Variants in SV2B observed in about 807,000 individuals in gnomAD.
The protein encoded by SV2B is synaptic vesicle glycoprotein 2B.
In SV2B, 41 loss-of-function variants were observed where a neutral mutation model predicts 73.9. The observed-to-expected ratio is 0.56, with a 90% CI of 0.43 to 0.72. The LOEUF is 0.72. SV2B is among the 30% of genes least tolerant of loss of function. SV2B has a pLI of 0.00. For missense variants in SV2B, 764 were observed against 857.8 expected (o/e 0.89, Z 1.37); for synonymous variants, 314 against 314.2 (o/e 1.00, Z 0.01).
chr15:91,287,191 C>T (rs1472777570), intron 11 of SV2B, among the ~76,000 whole-genome samples: 1 of 152,176 alleles, frequency 6.6e-6, no homozygotes, highest in Non-Finnish European at 1.5e-5. Context: ...GTTATCATTT[C>T]CTAGTTCATC....
Position 91,141,038 on chromosome 15 carries a change from G to A in SV2B, c.-392+40675G>A, listed in dbSNP as rs2042982597. Among the ~76,000 whole-genome samples the A allele has an allele frequency of 6.6e-6, 1 of 152,238 alleles. No homozygotes were observed. Among genetic ancestry groups the A allele is most frequent in the South Asian group, 2.1e-4 (1 of 4,832 alleles). On this transcript the variant is annotated intron_variant, in intron 1 of 12. Coordinates refer to ENST00000394232, the MANE Select transcript of SV2B (RefSeq NM_001323032.3). This position sits in a 1 kb window ranked among gnomAD's most constrained non-coding sequence, Gnocchi z 4.6. ...AAGCCAGAAGTGCTACAAGCACTCA[G>A]GTGGCAGGACTTATAGCTAAGAGTG...
rs1424823079 is a variant in SV2B at position 91,121,725 on chromosome 15, C to T, written c.-392+21362C>T. Among the ~76,000 whole-genome samples the T allele has an allele frequency of 1.3e-5, 2 of 151,544 alleles. No individual in the cohort carries two copies. The highest frequency in any genetic ancestry group is 4.9e-5 in the African/African-American group (2 of 41,004). On this transcript the variant is annotated intron_variant, in intron 1 of 12. Coordinates refer to ENST00000394232, the MANE Select transcript of SV2B (RefSeq NM_001323032.3). The surrounding 1 kb of genome is among the most constrained non-coding windows in gnomAD (Gnocchi z 4.4). ...AGGGAATTAATTCCTTTACACCACT[C>T]CTTTCCCCTTCGCGCTCACCTCAAG... is the stretch of plus-strand genomic sequence containing the variant.
At chr15:91,150,988 C>T (rs1373375253) in intron 1 of SV2B, among the ~76,000 whole-genome samples, 2 of 152,182 alleles carry the variant, frequency 1.3e-5, no homozygotes, top group African/African-American at 4.8e-5. Flanking sequence ...CCCCCTTACG[C>T]GTGTAGCCTG....
At chr15:91,183,966 CA>C (rs3082124) in intron 1 of SV2B, among the ~76,000 whole-genome samples, 4 of 151,240 alleles carry the variant, frequency 2.6e-5, no homozygotes, top group African/African-American at 9.7e-5. Context: ...CGCCTGGGGA[CA>C]AAAAAAACTG....
chr15:91,225,325 A>G (rs535447377), intron 1 of SV2B, among the ~76,000 whole-genome samples: 43 of 152,266 alleles, frequency 2.8e-4, no homozygotes, highest in African/African-American at 1.0e-3. Flanking sequence ...TTTTGGCCAT[A>G]CATTTCTAGA....
Position 91,129,138 on chromosome 15 carries a change from C to T in SV2B, c.-392+28775C>T, listed in dbSNP as rs557698076. Among the ~76,000 whole-genome samples the T allele has an allele frequency of 5.0e-4, 76 of 152,272 alleles. No homozygotes were observed. The South Asian group carries it at 0.014, about 28-fold the overall frequency. Reference sequence around the variant, plus strand: ...AGGAGTGAAATAATCCCAGCGACAGCGTATGTGTGAGATCCTTGGGATCAA... The same window carrying T: ...AGGAGTGAAATAATCCCAGCGACAGTGTATGTGTGAGATCCTTGGGATCAA... On this transcript the variant is annotated intron_variant, in intron 1 of 12. Coordinates refer to ENST00000394232, the MANE Select transcript of SV2B (RefSeq NM_001323032.3). This position sits in a 1 kb window ranked among gnomAD's most constrained non-coding sequence, Gnocchi z 5.1.
At chr15:91,154,580 T>C (rs1450712617) in intron 1 of SV2B, among the ~76,000 whole-genome samples, 1 of 152,206 alleles carries the variant, frequency 6.6e-6, no homozygotes, top group Non-Finnish European at 1.5e-5. Context: ...TACGGGGTTT[T>C]TGCAGACGTA....
chr15:91,212,104 C>T (rs1235329225), intron 1 of SV2B, among the ~76,000 whole-genome samples: 1 of 152,162 alleles, frequency 6.6e-6, no homozygotes, highest in Non-Finnish European at 1.5e-5. Context: ...TCTAGATGCT[C>T]TCTTAGATAA....
At position 91,236,770 on chromosome 15, in the gene SV2B, C is replaced by T. The variant is rs1008007015; in HGVS notation, c.451+10056C>T. Reference sequence around the variant, plus strand: ...CTGGCCCCTATTCCACTTGACATTACCTGGGGCAGCTGGAAGGTGGGGGCT... The same window carrying T: ...CTGGCCCCTATTCCACTTGACATTATCTGGGGCAGCTGGAAGGTGGGGGCT... On this transcript the variant is annotated intron_variant, in intron 2 of 12. Transcript: ENST00000394232. This position sits in a 1 kb window ranked among gnomAD's most constrained non-coding sequence, Gnocchi z 4.1. Among the ~76,000 whole-genome samples, 2 of 152,098 alleles carry T rather than the reference C, an allele frequency of 1.3e-5. No individual in the cohort carries two copies. The highest frequency in any genetic ancestry group is 3.8e-4 in the East Asian group (2 of 5,196).
chr15:91,151,643 G>C (rs537317146), intron 1 of SV2B, among the ~76,000 whole-genome samples: 1 of 152,320 alleles, frequency 6.6e-6, no homozygotes, highest in Non-Finnish European at 1.5e-5. Flanking sequence ...AAGCAGTGCT[G>C]GGTATAGAGG....
At position 91,234,177 on chromosome 15, in the gene SV2B, G is replaced by A. The variant is rs6496777; in HGVS notation, c.451+7463G>A. ...TTTATGGTAGAGGAAGAGATTGAAA[G>A]GCCTAGGAATATTTGCATGTTAGAG... On this transcript the variant is annotated intron_variant, in intron 2 of 12. Transcript: ENST00000394232. This position sits in a 1 kb window ranked among gnomAD's most constrained non-coding sequence, Gnocchi z 5.6. Among the ~76,000 whole-genome samples, 57,017 of 152,070 alleles carry A rather than the reference G, an allele frequency of 0.37. 14,763 individuals carry two copies. Among genetic ancestry groups the A allele is most frequent in the African/African-American group, 0.74 (30,673 of 41,458 alleles).
At chr15:91,266,293 GC>G (rs1257129309) in intron 6 of SV2B, among the ~76,000 whole-genome samples, 1 of 152,172 alleles carries the variant, frequency 6.6e-6, no homozygotes. Context: ...CTTTCTCCCC[GC>G]GGATTGCCCA....
rs575374888 is a variant in SV2B, at chr15:91,168,425, G to A, written c.-391-57448G>A. On this transcript the variant is annotated intron_variant, in intron 1 of 12. Coordinates refer to ENST00000394232, the MANE Select transcript of SV2B (RefSeq NM_001323032.3). ...CTGAGTTGTGGGTGCCCTTGTGGCT[G>A]GTATTCCTGCAGCTGCTGGGGGAGT... Among the ~76,000 whole-genome samples, 49 of 152,236 alleles carry A rather than the reference G, an allele frequency of 3.2e-4. 2 individuals are homozygous for A. The South Asian group carries it at 9.9e-3, about 31-fold the overall frequency.
At chr15:91,263,245 GAC>G (rs1262817713) in intron 6 of SV2B, among the ~76,000 whole-genome samples, 2 of 137,060 alleles carry the variant, frequency 1.5e-5, no homozygotes, top group East Asian at 2.0e-4. Flanking sequence ...GAGACAAACA[GAC>G]ACAGGAACAC....
intron 1 of SV2B, among the ~76,000 whole-genome samples, chr15:91,193,908 G>A (rs1163829857): frequency 2.0e-5 from 3 of 151,966 alleles, no homozygotes; most frequent in African/African-American, 7.3e-5. Context: ...AACCATAAAG[G>A]CTCAACGTTT....
chr15:91,183,456 C>G (rs548775113), intron 1 of SV2B, among the ~76,000 whole-genome samples: 25 of 152,352 alleles, frequency 1.6e-4, no homozygotes, highest in African/African-American at 5.5e-4. Flanking sequence ...AACTGGTTCT[C>G]TGCTTCAGTT....
intron 9 of SV2B, among the ~76,000 whole-genome samples, chr15:91,278,551 T>G (rs894810881): frequency 2.0e-5 from 3 of 147,866 alleles, no homozygotes; most frequent in Non-Finnish European, 4.5e-5. Context: ...CGGTGGCGGG[T>G]GCCTGTAGTC....
In SV2B at chr15:91,137,628, CATATATTTCATATATACATAT is replaced by C. The variant is rs979371790; in HGVS notation, c.-392+37270_-392+37290del. Among the ~76,000 whole-genome samples the C allele has an allele frequency of 5.7e-5, 2 of 34,894 alleles. No individual in the cohort carries two copies. Among genetic ancestry groups the C allele is most frequent in the African/African-American group, 1.8e-4 (2 of 11,320 alleles). The allele number at this position is 34,894 out of a possible 152,430, so 22.9% of individuals were successfully genotyped here. A position where few individuals can be genotyped will look rare whatever the true frequency, so the allele number is the denominator to read the frequency against. Reference sequence around the variant, plus strand: ...ATTTCATATATATATTTCATATATACATATATTTCATATATACATATATATTTCATATATACATATATTTCA... The same window carrying C: ...ATTTCATATATATATTTCATATATACATATTTCATATATACATATATTTCA... On this transcript the variant is annotated intron_variant, in intron 1 of 12. Coordinates refer to ENST00000394232, the MANE Select transcript of SV2B (RefSeq NM_001323032.3). The surrounding 1 kb of genome is among the most constrained non-coding windows in gnomAD (Gnocchi z 4.9).
intron 1 of SV2B, among the ~76,000 whole-genome samples, chr15:91,158,690 T>TCTTCTCTTCCCTTCC (rs2043588605): frequency 1.7e-5 from 1 of 59,712 alleles, no homozygotes; most frequent in African/African-American, 6.5e-5. Flanking sequence ...TCTTCTCTTC[T>TCTTCTCTTCCCTTCC]CTTCTCTTCT....
Sources: allele counts gnomAD v4.1 joint callset (sites outside exome capture counted in the v4.1 genomes callset), GRCh38; gene constraint gnomAD v4.1.1; non-coding constraint Gnocchi (gnomAD v3.1); transcripts MANE v1.5; gene names NCBI Gene and HGNC (gene_info 2026-07-23, HGNC 2026-07-21).